The following SNRPB variants were observed in gnomAD, a reference collection of about 807,000 sequenced individuals.
The protein encoded by SNRPB is small nuclear ribonucleoprotein-associated proteins B and B'.
Under a neutral mutation model 26.6 loss-of-function variants are expected in SNRPB, and 5 were observed. That is an observed-to-expected ratio of 0.19 (90% CI 0.10 to 0.39). The LOEUF (loss-of-function observed/expected upper bound fraction) is 0.39. SNRPB is among the 10% of genes least tolerant of loss of function. SNRPB has a pLI of 1.00. For missense variants in SNRPB, 211 were observed against 311.9 expected (o/e 0.68, Z 2.44); for synonymous variants, 122 against 105.8 (o/e 1.15, Z -0.94).
intron 6 of SNRPB, 128 bp from the exon 7 acceptor site, chr20:2,462,067 G>A: frequency 4.5e-6 from 3 of 660,190 alleles, no homozygotes; most frequent in Non-Finnish European, 8.1e-6. Flanking sequence ...GTGCTAACTA[G>A]GGACTACTCT....
chr20:2,462,465 G>C, intron 6 of SNRPB, 171 bp downstream of exon 6: 1 of 697,794 alleles, frequency 1.4e-6, no homozygotes, highest in Non-Finnish European at 2.6e-6. Context: ...TTTTCTAAGA[G>C]GGGAGGTAAG....
intron 2 of SNRPB, among the ~76,000 whole-genome samples, chr20:2,466,480 A>T (rs2085074490): frequency 6.6e-6 from 1 of 152,208 alleles, no homozygotes; most frequent in Admixed American, 6.5e-5. Flanking sequence ...TGGGGAAAAA[A>T]GCTAAAGCTA....
chr20:2,470,113 T>C (rs1159618394), intron 1 of SNRPB, among the ~76,000 whole-genome samples: 4 of 152,100 alleles, frequency 2.6e-5, no homozygotes, highest in Non-Finnish European at 4.4e-5. Flanking sequence ...TTTCAGAGAG[T>C]AGCCCCAGCG....
chr20:2,469,571 C>T (rs1210316356), intron 1 of SNRPB, among the ~76,000 whole-genome samples: 1 of 152,070 alleles, frequency 6.6e-6, no homozygotes, highest in Non-Finnish European at 1.5e-5. Flanking sequence ...CGGGTACCTA[C>T]AATCCCAGCT....
chr20:2,468,371 T>A (rs973422588), intron 1 of SNRPB, among the ~76,000 whole-genome samples: 2 of 152,226 alleles, frequency 1.3e-5, no homozygotes, highest in African/African-American at 4.8e-5. Flanking sequence ...CAACAAACAT[T>A]TCTGCTTTCA....
At chr20:2,466,809 T>C (rs191356621) in intron 2 of SNRPB, among the ~76,000 whole-genome samples, 1 of 152,308 alleles carries the variant, frequency 6.6e-6, no homozygotes, top group Admixed American at 6.5e-5. Context: ...CTCTAATACG[T>C]ACCTGGCACC....
Position 2,463,658 on chromosome 20 carries a change from T to C in SNRPB, c.420+89A>G, listed in dbSNP as rs2085051222. 1 of 956,054 alleles carries C rather than the reference T, an allele frequency of 1.0e-6. No homozygotes were observed. The highest frequency in any genetic ancestry group is 1.7e-5 in the South Asian group (1 of 59,892). The allele number at this position is 956,054 out of a possible 1,614,324, so 59.2% of individuals were successfully genotyped here. A position where few individuals can be genotyped will look rare whatever the true frequency, so the allele number is the denominator to read the frequency against. On this transcript the variant is annotated intron_variant, in intron 4 of 6. Coordinates refer to ENST00000381342, the MANE Select transcript of SNRPB (RefSeq NM_003091.4). The surrounding 1 kb of genome is among the most constrained non-coding windows in gnomAD (Gnocchi z 5.0). ...TGATAGTCTGACAATCACAGGTTGGTCACTCTGGACCCTTTTAAAACTATG... is the reference window on the plus strand; with the variant it reads ...TGATAGTCTGACAATCACAGGTTGGCCACTCTGGACCCTTTTAAAACTATG...
At chr20:2,465,863 G>T in intron 2 of SNRPB, 44 bp from the exon 3 acceptor site, 1 of 1,487,122 alleles carries the variant, frequency 6.7e-7, no homozygotes, top group Non-Finnish European at 9.4e-7. Flanking sequence ...TTAGAGGTGG[G>T]TAAAGTTCAC....
chr20:2,470,726 T>C lies in SNRPB; in HGVS notation c.-36A>G. On this transcript the variant is annotated 5_prime_UTR_variant, in exon 1 of 7. Transcript: ENST00000381342. The stretch of plus-strand genomic sequence containing the variant: ...CTGATGGCTCTGATACCCGCCGGAT[T>C]CGCCTCCTCAGAGGCCTAGCCTCTC... The C allele has an allele frequency of 6.2e-7, 1 of 1,612,096 alleles. No individual in the cohort carries two copies. The highest frequency in any genetic ancestry group is 8.5e-7 in the Non-Finnish European group (1 of 1,179,860).
chr20:2,469,817 T>C (rs1240639371), intron 1 of SNRPB, among the ~76,000 whole-genome samples: 1 of 152,230 alleles, frequency 6.6e-6, no homozygotes, highest in Non-Finnish European at 1.5e-5. Flanking sequence ...TTCCCTTCTT[T>C]CTTCCTTTCT....
At chr20:2,465,653 G>T in intron 3 of SNRPB, 55 bp downstream of exon 3, 1 of 1,193,188 alleles carries the variant, frequency 8.4e-7, no homozygotes, top group Non-Finnish European at 1.2e-6. Flanking sequence ...CTAACACAGA[G>T]CCTGGCTCAC....
rs75414873 is a variant in SNRPB, at chr20:2,464,625, T to A, written c.268-726A>T. On this transcript the variant is annotated intron_variant, in intron 3 of 6. Transcript: ENST00000381342. Reference sequence around the variant, plus strand: ...AGTGAAAACACAGAACAACATAATATATGCCCACTATGTGTTAAGTACAAA... The same window carrying A: ...AGTGAAAACACAGAACAACATAATAAATGCCCACTATGTGTTAAGTACAAA... Among the ~76,000 whole-genome samples the A allele has an allele frequency of 4.7e-3, 711 of 152,324 alleles. 6 individuals carry two copies. The highest frequency in any genetic ancestry group is 0.016 in the African/African-American group (684 of 41,568).
At chr20:2,462,287 T>A (rs1349387824) in intron 6 of SNRPB, among the ~76,000 whole-genome samples, 11 of 152,116 alleles carry the variant, frequency 7.2e-5, no homozygotes, top group Admixed American at 7.2e-4. Flanking sequence ...TCCATAATAG[T>A]ACAGCAAAGC....
At chr20:2,468,995 T>C (rs1371264814) in intron 1 of SNRPB, among the ~76,000 whole-genome samples, 1 of 152,278 alleles carries the variant, frequency 6.6e-6, no homozygotes, top group East Asian at 1.9e-4. Context: ...GGTGGTTCAG[T>C]TTCCATTCAA....
At chr20:2,470,627 G>C (rs2085107797) in intron 1 of SNRPB, 61 bp downstream of exon 1, 4 of 1,607,790 alleles carry the variant, frequency 2.5e-6, no homozygotes, top group Non-Finnish European at 3.4e-6. Flanking sequence ...CCGATCAGTC[G>C]CGGTTCCCAC....
intron 3 of SNRPB, among the ~76,000 whole-genome samples, 169 bp downstream of exon 3, chr20:2,465,539 C>T (rs1381865295): frequency 1.3e-5 from 2 of 151,834 alleles, no homozygotes; most frequent in East Asian, 1.9e-4. Flanking sequence ...TGTGAGCCAC[C>T]GCGCCCGGCC....
intron 2 of SNRPB, 99 bp downstream of exon 2, chr20:2,467,508 A>C: frequency 8.8e-7 from 1 of 1,138,754 alleles, no homozygotes; most frequent in Non-Finnish European, 1.3e-6. Flanking sequence ...GAATAAACAG[A>C]GAAGAACCAA....
chr20:2,467,669 G>C lies in SNRPB; in HGVS notation c.93C>G (p.Phe31Leu). Residue 31 changes from phenylalanine (F) to leucine (L), a missense_variant, in exon 2 of 7, where the codon TTC becomes TTG. Transcript: ENST00000381342. ...LQDGRIFIGT[F>L]KAFDKHMNLI... ...AATTCATGTGCTTGTCAAAAGCCTT[G>C]AAGGTGCCAATGAAGATCCGGCCGT... is the stretch of plus-strand genomic sequence containing the variant. The C allele has an allele frequency of 6.2e-7, 1 of 1,614,174 alleles. No homozygotes were observed. Among genetic ancestry groups the C allele is most frequent in the Non-Finnish European group, 8.5e-7 (1 of 1,180,026 alleles).
At chr20:2,467,070 AG>A (rs2085079163) in intron 2 of SNRPB, 1 of 298,270 alleles carries the variant, frequency 3.4e-6, no homozygotes, top group African/African-American at 2.3e-5. Flanking sequence ...GTGAGACTCA[AG>A]GCAAGGGAGT....
Sources: allele counts gnomAD v4.1 joint callset (sites outside exome capture counted in the v4.1 genomes callset), GRCh38; gene constraint gnomAD v4.1.1; non-coding constraint Gnocchi (gnomAD v3.1); transcripts MANE v1.5; gene names NCBI Gene and HGNC (gene_info 2026-07-23, HGNC 2026-07-21).